PBRM1: variants seen among roughly 807,000 people sequenced by gnomAD.
The protein encoded by PBRM1 is polybromo 1.
Under a neutral mutation model 194.5 loss-of-function variants are expected in PBRM1, and 27 were observed. That is an observed-to-expected ratio of 0.14 (90% CI 0.10 to 0.19). PBRM1 has a LOEUF of 0.19. PBRM1 is among the 10% of genes least tolerant of loss of function. PBRM1 has a pLI of 1.00. For missense variants in PBRM1, 1,466 were observed against 2,077.2 expected, an observed-to-expected ratio of 0.71 and a Z score of 5.72; for synonymous variants, 655 against 693.2, an observed-to-expected ratio of 0.94 and a Z score of 0.87.
At chr3:52,549,139 C>G (rs547747148) in intron 29 of PBRM1, among the ~76,000 whole-genome samples, 33 of 152,072 alleles carry the variant, frequency 2.2e-4, no homozygotes, top group African/African-American at 8.0e-4. Context: ...CGTGCCTCAG[C>G]CTCCCAAGTA....
chr3:52,666,452 C>T (rs769373142), intron 3 of PBRM1, among the ~76,000 whole-genome samples: 4 of 151,868 alleles, frequency 2.6e-5, no homozygotes, highest in Non-Finnish European at 4.4e-5. Flanking sequence ...AGGAGAATGG[C>T]GTGAACCTGG....
chr3:52,668,944 C>T (rs1405096032), intron 2 of PBRM1, among the ~76,000 whole-genome samples: 1 of 152,144 alleles, frequency 6.6e-6, no homozygotes, highest in Non-Finnish European at 1.5e-5. Context: ...GGCACCAACG[C>T]TAAACCCATG....
chr3:52,620,569 A>G (rs1411853462), intron 13 of PBRM1, among the ~76,000 whole-genome samples: 3 of 152,200 alleles, frequency 2.0e-5, no homozygotes, highest in Non-Finnish European at 4.4e-5. Context: ...TCTAGGGCAG[A>G]TTTTTATAAG....
In PBRM1 at chr3:52,576,734, G is replaced by C. The variant is rs201516380; in HGVS notation, c.3534-36C>G. 14 of 1,505,876 alleles carry C rather than the reference G, an allele frequency of 9.3e-6. No individual in the cohort carries two copies. The African/African-American group carries it at 1.3e-4, about 14-fold the overall frequency. 93.3% of individuals were successfully genotyped at this position (1,505,876 alleles called of 1,614,324 possible). A position where few individuals can be genotyped will look rare whatever the true frequency, so the allele number is the denominator to read the frequency against. On this transcript the variant is annotated intron_variant, in intron 21 of 29. Coordinates refer to ENST00000296302, the Ensembl canonical transcript of PBRM1. ...AAAATATATAAATTACATTAAAATAGTTTCCTTCTTGAAGGATTAATCTAA... is the reference window on the plus strand; with the variant it reads ...AAAATATATAAATTACATTAAAATACTTTCCTTCTTGAAGGATTAATCTAA...
intron 22 of PBRM1, among the ~76,000 whole-genome samples, chr3:52,573,253 T>C (rs951988974): frequency 1.1e-4 from 16 of 152,152 alleles, no homozygotes; most frequent in African/African-American, 3.6e-4. Flanking sequence ...ATAAAACTGG[T>C]AGATAAACTG....
chr3:52,675,179 A>G (rs2097069770), intron 2 of PBRM1, among the ~76,000 whole-genome samples: 1 of 152,226 alleles, frequency 6.6e-6, no homozygotes, highest in African/African-American at 2.4e-5. Context: ...AGACATACAA[A>G]GCCTGAGTAA....
At chr3:52,680,646 G>C (rs1026337722), upstream of PBRM1, among the ~76,000 whole-genome samples, 5 of 152,006 alleles carry the variant, frequency 3.3e-5, no homozygotes, top group Admixed American at 2.0e-4. Context: ...TGATTTGAAA[G>C]GCCTTTTTCT....
At chr3:52,628,796 G>C in intron 12 of PBRM1, 98 bp downstream of exon 13, 1 of 1,070,228 alleles carries the variant, frequency 9.3e-7, no homozygotes, top group Non-Finnish European at 1.4e-6. Context: ...TACTGCTGAG[G>C]GTGGGGGGGA....
At chr3:52,576,572 C>T (rs2153659092) in exon 22 of PBRM1, 1 of 1,607,482 alleles carries the variant, frequency 6.2e-7, no homozygotes, top group Non-Finnish European at 8.5e-7. Flanking sequence ...AGGTTTCTTC[C>T]AGATTACTCA....
Position 52,622,996 on chromosome 3 carries a change from C to T in PBRM1, c.1541+4277G>A, listed in dbSNP as rs553548861. On this transcript the variant is annotated intron_variant, in intron 13 of 29. Transcript: ENST00000296302. ...ATTCAGAATCAAATATAATTATTAC[C>T]CCAACTATGCAGATGTAAAAACTGA... Among the ~76,000 whole-genome samples, 5 of 152,174 alleles carry T rather than the reference C, an allele frequency of 3.3e-5. No homozygotes were observed. In the East Asian group the frequency reaches 7.7e-4, roughly 23 times the overall value.
At chr3:52,586,747 T>TAAAAA (rs1560100502) in intron 19 of PBRM1, 59 bp from the exon 22 acceptor site, 40 of 144,922 alleles carry the variant, frequency 2.8e-4, no homozygotes, top group Non-Finnish European at 3.7e-4. Context: ...TGAAAATCAA[T>TAAAAA]CAAAAAAAAA....
chr3:52,579,421 A>T (rs2090521091), intron 20 of PBRM1, among the ~76,000 whole-genome samples: 1 of 152,146 alleles, frequency 6.6e-6, no homozygotes, highest in South Asian at 2.1e-4. Flanking sequence ...CCTTGTCTCA[A>T]CTGAAGAAAG....
chr3:52,663,290 G>T (rs997102741), intron 3 of PBRM1, among the ~76,000 whole-genome samples: 3 of 152,192 alleles, frequency 2.0e-5, no homozygotes, highest in African/African-American at 7.2e-5. Context: ...GGGTCTACCA[G>T]AAGCTGGGAA....
chr3:52,586,412 A>G lies in PBRM1; in HGVS notation c.3387+13T>C. On this transcript the variant is annotated intron_variant, in intron 20 of 29. Transcript: ENST00000296302. ...GATGTAAAATTTTTTCTGTGTGGCT[A>G]TTATCTGCATACCTTTTCCAAGTTA... 1 of 1,598,612 alleles carries G rather than the reference A, an allele frequency of 6.3e-7. No individual in the cohort carries two copies. The highest frequency in any genetic ancestry group is 8.6e-7 in the Non-Finnish European group (1 of 1,169,258).
At chr3:52,603,834 G>T in intron 16 of PBRM1, 102 bp from the exon 19 acceptor site, 1 of 1,012,476 alleles carries the variant, frequency 9.9e-7, no homozygotes, top group Non-Finnish European at 1.4e-6. Context: ...TTGATATAGT[G>T]GTATTTCTGT....
At chr3:52,548,434 T>TC (rs2080015479) in intron 29 of PBRM1, among the ~76,000 whole-genome samples, 199 bp from the exon 32 acceptor site, 2 of 152,140 alleles carry the variant, frequency 1.3e-5, no homozygotes, top group African/African-American at 4.8e-5. Flanking sequence ...CATAAATTTT[T>TC]TTTTTTTTTT....
intron 3 of PBRM1, among the ~76,000 whole-genome samples, chr3:52,667,842 T>C (rs527554853): frequency 6.6e-5 from 10 of 150,640 alleles, no homozygotes; most frequent in African/African-American, 2.4e-4. Context: ...GGAGGATCAC[T>C]TGAGGCCAGG....
At chr3:52,550,788 C>A (rs1454816622) in exon 28 of PBRM1, 3 of 1,611,506 alleles carry the variant, frequency 1.9e-6, no homozygotes, top group East Asian at 2.2e-5. Flanking sequence ...GGAGTCCCTA[C>A]CATAGGGGCC....
upstream of PBRM1, among the ~76,000 whole-genome samples, chr3:52,682,543 A>T (rs1454058329): frequency 6.6e-6 from 1 of 152,226 alleles, no homozygotes; most frequent in Non-Finnish European, 1.5e-5. Context: ...TGGTAAGATA[A>T]GAAAAAGTTT....
Sources: gnomAD v4.1 joint callset for allele counts (sites outside exome capture counted in the v4.1 genomes callset) on GRCh38, gnomAD v4.1.1 for gene constraint, MANE v1.5 for transcripts, NCBI Gene and HGNC (gene_info 2026-07-23, HGNC 2026-07-21) for gene names.